LRP1B: variants seen among roughly 807,000 people sequenced by gnomAD.
LRP1B encodes LDL receptor related protein 1B.
Under a neutral mutation model 556.6 loss-of-function variants are expected in LRP1B, and 217 were observed. The observed-to-expected ratio is 0.39, with a 90% CI of 0.35 to 0.44. LRP1B has a LOEUF of 0.44. Ranked by LOEUF, LRP1B falls within the 20% of genes least tolerant of loss-of-function variation. The pLI, the probability that LRP1B is intolerant of heterozygous loss-of-function variation, is 1.00. For synonymous variants in LRP1B, 2,047 were observed against 1,865.8 expected (o/e 1.10, Z -2.50); for missense variants, 5,053 against 5,620.8 (o/e 0.90, Z 3.23).
chr2:140,993,924 C>T (rs1305964467), intron 16 of LRP1B, 71 bp downstream of exon 16: 8 of 1,469,928 alleles, frequency 5.4e-6, no homozygotes, highest in Non-Finnish European at 7.5e-6. Flanking sequence ...TTGTCACAAA[C>T]TGCCTTGATA....
intron 1 of LRP1B, among the ~76,000 whole-genome samples, chr2:141,883,830 G>A (rs1408694465): frequency 6.6e-6 from 1 of 152,044 alleles, no homozygotes; most frequent in Non-Finnish European, 1.5e-5. Context: ...GTTACTTGGG[G>A]CTGTTTAAAA....
chr2:140,711,058 C>G (rs1687014628), intron 37 of LRP1B, among the ~76,000 whole-genome samples: 1 of 151,962 alleles, frequency 6.6e-6, no homozygotes, highest in South Asian at 2.1e-4. Flanking sequence ...CATGAAATGT[C>G]TGAGGAGACA....
At chr2:141,745,958 G>A (rs943556765) in intron 2 of LRP1B, among the ~76,000 whole-genome samples, 1 of 151,932 alleles carries the variant, frequency 6.6e-6, no homozygotes, top group African/African-American at 2.4e-5. Flanking sequence ...TCTGGCCCAG[G>A]GTGTTTCTAA....
At chr2:141,840,344 A>T (rs1247010730) in intron 1 of LRP1B, among the ~76,000 whole-genome samples, 1 of 144,732 alleles carries the variant, frequency 6.9e-6, no homozygotes, top group Admixed American at 7.2e-5. Flanking sequence ...GCTCACTGCA[A>T]CTTCCGCCTC....
At chr2:141,824,961 A>G (rs917879605) in intron 1 of LRP1B, among the ~76,000 whole-genome samples, 1 of 152,082 alleles carries the variant, frequency 6.6e-6, no homozygotes, top group Non-Finnish European at 1.5e-5. Context: ...ACAAGATCCG[A>G]TGGTTTTTAA....
intron 3 of LRP1B, among the ~76,000 whole-genome samples, chr2:141,257,326 C>G (rs1171867723): frequency 6.6e-6 from 1 of 152,144 alleles, no homozygotes; most frequent in Non-Finnish European, 1.5e-5. Context: ...CATGTAGTCT[C>G]TACCTTAATG....
At chr2:141,015,297 T>G (rs1697869968) in intron 13 of LRP1B, among the ~76,000 whole-genome samples, 1 of 152,122 alleles carries the variant, frequency 6.6e-6, no homozygotes, top group South Asian at 2.1e-4. Context: ...ACCAAGTTAC[T>G]TACTCAACTA....
At chr2:141,780,245 G>A (rs528302643) in intron 2 of LRP1B, among the ~76,000 whole-genome samples, 1 of 152,064 alleles carries the variant, frequency 6.6e-6, no homozygotes, top group East Asian at 1.9e-4. Flanking sequence ...AAACAATGGG[G>A]ATAGGGAATC....
At chr2:140,298,989 A>T (rs1203275406) in intron 83 of LRP1B, among the ~76,000 whole-genome samples, 1 of 152,150 alleles carries the variant, frequency 6.6e-6, no homozygotes, top group Non-Finnish European at 1.5e-5. Flanking sequence ...GTTAAGACTC[A>T]GACAATATCA....
At chr2:140,858,003 TA>T (rs1040709862) in intron 27 of LRP1B, among the ~76,000 whole-genome samples, 2 of 152,160 alleles carry the variant, frequency 1.3e-5, no homozygotes, top group Non-Finnish European at 2.9e-5. Context: ...CACAATATTT[TA>T]AAAAACCATC....
At chr2:141,984,458 A>T (rs1702128450) in intron 1 of LRP1B, among the ~76,000 whole-genome samples, 1 of 152,144 alleles carries the variant, frequency 6.6e-6, no homozygotes, top group Admixed American at 6.6e-5. Context: ...TATGTTGGCA[A>T]ATGAGTATTG....
chr2:141,367,552 G>A (rs749814310), intron 3 of LRP1B, among the ~76,000 whole-genome samples: 3 of 134,718 alleles, frequency 2.2e-5, no homozygotes, highest in East Asian at 2.2e-4. Flanking sequence ...GCAGGATCTC[G>A]GCTCATTGCA....
intron 3 of LRP1B, among the ~76,000 whole-genome samples, chr2:141,434,487 G>T (rs555170534): frequency 6.6e-6 from 1 of 151,916 alleles, no homozygotes; most frequent in African/African-American, 2.4e-5. Context: ...AGGAAGTATT[G>T]TCAGTGTCTT....
chr2:140,345,158 C>A (rs1437718948), intron 77 of LRP1B, among the ~76,000 whole-genome samples: 5 of 151,616 alleles, frequency 3.3e-5, no homozygotes, highest in Non-Finnish European at 7.4e-5. Flanking sequence ...CCACTTGATA[C>A]CAGAAGTACT....
chr2:141,005,215 A>G, intron 15 of LRP1B, 120 bp downstream of exon 15: 2 of 1,088,032 alleles, frequency 1.8e-6, no homozygotes, highest in Non-Finnish European at 1.3e-6. Flanking sequence ...AAAGAATTAT[A>G]TCTAAATAAT....
chr2:141,555,821 G>A (rs950398055), intron 2 of LRP1B, among the ~76,000 whole-genome samples: 1 of 151,880 alleles, frequency 6.6e-6, no homozygotes, highest in Non-Finnish European at 1.5e-5. Context: ...AAGAGTCTTT[G>A]AAAAGGTATT....
At chr2:140,707,829 T>C (rs1686893281) in intron 37 of LRP1B, among the ~76,000 whole-genome samples, 1 of 152,090 alleles carries the variant, frequency 6.6e-6, no homozygotes, top group African/African-American at 2.4e-5. Flanking sequence ...ATTAAAGAAT[T>C]CTGTAATATA....
At chr2:140,850,810 G>C (rs1305735189) in intron 28 of LRP1B, among the ~76,000 whole-genome samples, 1 of 152,066 alleles carries the variant, frequency 6.6e-6, no homozygotes, top group Non-Finnish European at 1.5e-5. Flanking sequence ...ATAATTTAAA[G>C]CGTGCTTTTA....
chr2:140,762,636 T>C (rs917573477), intron 35 of LRP1B, among the ~76,000 whole-genome samples: 1 of 152,094 alleles, frequency 6.6e-6, no homozygotes, highest in East Asian at 1.9e-4. Flanking sequence ...ACCTTAAAGT[T>C]TGAAAATGAT....
Sources: gnomAD v4.1 joint callset for allele counts (sites outside exome capture counted in the v4.1 genomes callset) on GRCh38, gnomAD v4.1.1 for gene constraint, MANE v1.5 for transcripts, NCBI Gene and HGNC (gene_info 2026-07-23, HGNC 2026-07-21) for gene names.